Variants in ENPP1 observed in about 807,000 individuals in gnomAD.
ENPP1 encodes ectonucleotide pyrophosphatase/phosphodiesterase 1.
Under a neutral mutation model 122.8 loss-of-function variants are expected in ENPP1, and 73 were observed. That is an observed-to-expected ratio of 0.59 (90% CI 0.49 to 0.72). The LOEUF is 0.72. Ranked by LOEUF, ENPP1 falls within the 30% of genes least tolerant of loss-of-function variation. The probability of loss-of-function intolerance (pLI) is 0.00; values close to 1 mark genes in which losing one functional copy is unlikely to be tolerated. For missense variants in ENPP1, 978 were observed against 1,128.1 expected (o/e 0.87, Z 1.91); for synonymous variants, 367 against 391.6 (o/e 0.94, Z 0.74).
intron 1 of ENPP1, among the ~76,000 whole-genome samples, chr6:131,814,218 G>T (rs1781389769): frequency 6.6e-6 from 1 of 152,128 alleles, no homozygotes; most frequent in Admixed American, 6.5e-5. Context: ...AGGCTGATGT[G>T]GGAGGATTGC....
chr6:131,869,460 C>T lies in ENPP1; in HGVS notation c.1376C>T (p.Pro459Leu), dbSNP rs1340431392. 9 of 1,612,900 alleles carry T rather than the reference C, an allele frequency of 5.6e-6. No individual in the cohort carries two copies. Among genetic ancestry groups the T allele is most frequent in the East Asian group, 4.5e-5 (2 of 44,864 alleles). ...VIYGPAARLR[P>L]SDVPDKYYSF... ...TATGGACCTGCAGCTCGATTGAGACCCTCTGATGTCCCAGATAAATACTAT... is the reference window on the plus strand; with the variant it reads ...TATGGACCTGCAGCTCGATTGAGACTCTCTGATGTCCCAGATAAATACTAT... Residue 459 changes from proline (P) to leucine (L), a missense_variant, in exon 13 of 25, where the codon CCC (proline) becomes CTC (leucine). By Grantham distance (98) the Pro-to-Leu change is moderately conservative. This residue lies in a region of ENPP1 where 644 missense variants were observed against 781.5 expected (regional missense o/e 0.82). Coordinates refer to ENST00000647893, the MANE Select transcript of ENPP1 (RefSeq NM_006208.3).
At chr6:131,876,700 A>G (rs375912372) in intron 17 of ENPP1, among the ~76,000 whole-genome samples, 2 of 152,220 alleles carry the variant, frequency 1.3e-5, no homozygotes, top group Admixed American at 6.5e-5. Context: ...ATAAGAAAAT[A>G]TGTTAGTACC....
intron 18 of ENPP1, 30 bp from the exon 19 acceptor site, chr6:131,878,512 C>G (rs1782264011): frequency 6.9e-7 from 1 of 1,443,276 alleles, no homozygotes; most frequent in African/African-American, 1.4e-5. Flanking sequence ...GTCTCTCAGT[C>G]CTTAAAAATA....
chr6:131,813,780 G>A (rs111645968), intron 1 of ENPP1, among the ~76,000 whole-genome samples: 2 of 152,294 alleles, frequency 1.3e-5, no homozygotes, highest in African/African-American at 4.8e-5. Flanking sequence ...TATTTTGACT[G>A]AGAGCTCAGT....
intron 1 of ENPP1, among the ~76,000 whole-genome samples, chr6:131,837,050 T>C (rs562279503): frequency 1.3e-4 from 20 of 152,256 alleles, no homozygotes; most frequent in African/African-American, 4.8e-4. Context: ...CCCTCTGTTA[T>C]GTTGCCATTA....
At chr6:131,857,318 A>G (rs1781960260) in intron 6 of ENPP1, among the ~76,000 whole-genome samples, 3 of 148,442 alleles carry the variant, frequency 2.0e-5, no homozygotes, top group African/African-American at 7.8e-5. Flanking sequence ...CCAAAGGACT[A>G]TAAATCATGC....
intron 1 of ENPP1, chr6:131,828,357 G>A (rs1781572003): frequency 2.4e-6 from 1 of 411,112 alleles, no homozygotes; most frequent in Admixed American, 2.8e-5. Context: ...ATTTTAAGAT[G>A]TGATAAGATG....
chr6:131,872,832 C>T, intron 14 of ENPP1, 91 bp from the exon 15 acceptor site: 4 of 1,256,012 alleles, frequency 3.2e-6, no homozygotes, highest in Non-Finnish European at 4.6e-6. Context: ...AGGGAAATAT[C>T]TTTCCCTAAT....
intron 1 of ENPP1, among the ~76,000 whole-genome samples, chr6:131,825,756 T>C (rs1304536114): frequency 1.3e-5 from 2 of 152,190 alleles, no homozygotes; most frequent in African/African-American, 4.8e-5. Flanking sequence ...CAAATGATTA[T>C]TGAATATGAT....
rs187584355 is a variant in ENPP1 at position 131,890,455 on chromosome 6, G to A, written c.2722G>A (p.Val908Ile). ...LSFYQQRKEPVSDILKLKTHL... is the reference protein window; with the variant it reads ...LSFYQQRKEPISDILKLKTHL... ...CTTCTATCAACAAAGAAAAGAGCCA[G>A]TTTCAGACATTTTAAAGTTGAAAAC... Residue 908 changes from valine to isoleucine, a missense_variant, in exon 25 of 25, where the codon GTT (valine) becomes ATT (isoleucine). By Grantham distance (29) the Val-to-Ile change is conservative (BLOSUM62 3). This residue lies in a region of ENPP1 where 644 missense variants were observed against 781.5 expected (regional missense o/e 0.82). Transcript: ENST00000647893. 2.5e-6 allele frequency: 4 copies of A among 1,614,006 alleles called. No individual in the cohort carries two copies. The African/African-American group carries it at 5.3e-5, about 22-fold the overall frequency.
intron 21 of ENPP1, 130 bp from the exon 22 acceptor site, chr6:131,883,564 C>G (rs1782339680): frequency 1.7e-6 from 1 of 600,566 alleles, no homozygotes; most frequent in East Asian, 2.8e-5. Flanking sequence ...TGACCCTGTA[C>G]TTGGGAAAGT....
At chr6:131,833,175 G>T (rs1249973789) in intron 1 of ENPP1, among the ~76,000 whole-genome samples, 1 of 152,164 alleles carries the variant, frequency 6.6e-6, no homozygotes, top group African/African-American at 2.4e-5. Context: ...CTTCTGTGAA[G>T]GCAGTGTGAA....
intron 24 of ENPP1, among the ~76,000 whole-genome samples, chr6:131,889,875 C>T (rs1015442056): frequency 6.6e-6 from 1 of 152,202 alleles, no homozygotes; most frequent in Non-Finnish European, 1.5e-5. Context: ...CACTGTCTTC[C>T]ACAGTGGTTG....
chr6:131,876,380 T>C (rs1782230797), intron 17 of ENPP1, among the ~76,000 whole-genome samples: 1 of 152,220 alleles, frequency 6.6e-6, no homozygotes, highest in Non-Finnish European at 1.5e-5. Context: ...TAGTTTCTTA[T>C]TCTGATAATG....
intron 1 of ENPP1, chr6:131,827,834 A>T: frequency 7.6e-7 from 1 of 1,314,796 alleles, no homozygotes; most frequent in Non-Finnish European, 1.1e-6. Context: ...TCAGTTGAAC[A>T]CCCTGAGGAC....
At position 131,893,170 on chromosome 6, in the gene ENPP1, C is replaced by T. The variant is rs1337944624; in HGVS notation, c.*2659C>T. 6.6e-6 allele frequency: 1 copy of T among 152,050 alleles called. No homozygotes were observed. Among genetic ancestry groups the T allele is most frequent in the East Asian group, 1.9e-4 (1 of 5,168 alleles). 9.4% of individuals were successfully genotyped at this position (152,050 alleles called of 1,614,324 possible). A position where few individuals can be genotyped will look rare whatever the true frequency, so the allele number is the denominator to read the frequency against. On this transcript the variant is annotated 3_prime_UTR_variant, in exon 25 of 25. Coordinates refer to ENST00000647893, the MANE Select transcript of ENPP1 (RefSeq NM_006208.3). ...CTGATTTTTACATATTTTTCCAGCA[C>T]ACAAACATACACAATTTAACTCAAA...
intron 1 of ENPP1, among the ~76,000 whole-genome samples, chr6:131,843,017 GT>G (rs2114683271): frequency 6.6e-6 from 1 of 152,156 alleles, no homozygotes; most frequent in African/African-American, 2.4e-5. Context: ...CCAGTTTCTT[GT>G]TTTCTAAGAT....
chr6:131,861,958 C>T (rs955714336), intron 9 of ENPP1, among the ~76,000 whole-genome samples: 1 of 152,012 alleles, frequency 6.6e-6, no homozygotes, highest in Admixed American at 6.6e-5. Context: ...CACCTGAGGT[C>T]AGGAGTTTGA....
intron 1 of ENPP1, among the ~76,000 whole-genome samples, chr6:131,835,166 G>C (rs1344701678): frequency 6.6e-6 from 1 of 152,142 alleles, no homozygotes; most frequent in East Asian, 1.9e-4. Context: ...ATTGAATATG[G>C]CTGGAATTTT....
Sources: allele counts gnomAD v4.1 joint callset (sites outside exome capture counted in the v4.1 genomes callset), GRCh38; gene constraint gnomAD v4.1.1; regional missense constraint gnomAD v4.1.1; transcripts MANE v1.5; gene names NCBI Gene and HGNC (gene_info 2026-07-23, HGNC 2026-07-21).